SLCO4A1: variants seen among roughly 807,000 people sequenced by gnomAD.
The protein encoded by SLCO4A1 is solute carrier organic anion transporter family member 4A1.
A neutral mutation model predicts 64.6 loss-of-function variants in SLCO4A1; 51 were observed. That is an observed-to-expected ratio of 0.79 (90% confidence interval 0.63 to 1.00). The LOEUF (loss-of-function observed/expected upper bound fraction) is 1.00, where lower values mean the gene tolerates loss of function less well. SLCO4A1 is among the 50% of genes least tolerant of loss of function. The pLI is 0.00. For missense variants in SLCO4A1, 919 were observed against 980.5 expected, an observed-to-expected ratio of 0.94 and a Z score of 0.84; for synonymous variants, 471 against 444.9, an observed-to-expected ratio of 1.06 and a Z score of -0.74.
chr20:62,657,367 A>G (rs1983943235), intron 2 of SLCO4A1, 117 bp downstream of exon 2: 3 of 1,002,078 alleles, frequency 3.0e-6, no homozygotes, highest in Admixed American at 2.7e-5. Context: ...CCTTGTCTGC[A>G]TGGCCCTGGG....
chr20:62,681,551 A>G (rs2427376), intron 2 of SLCO4A1, among the ~76,000 whole-genome samples: 110,596 of 146,900 alleles, frequency 0.75, 41,879 homozygotes, highest in African/African-American at 0.81. Context: ...TGTGTATTAA[A>G]CCGTGTGTAC....
At chr20:62,662,912 A>G (rs1229064127) in intron 5 of SLCO4A1, 1 of 152,018 alleles carries the variant, frequency 6.6e-6, no homozygotes, top group Non-Finnish European at 1.5e-5. Flanking sequence ...CTGGCTGGGG[A>G]AGGGAGGGCA....
At position 62,656,727 on chromosome 20, in the gene SLCO4A1, C is replaced by T. The variant is rs752403778; in HGVS notation, c.273C>T (p.Phe91=). Residue 91 remains phenylalanine, a synonymous_variant, in exon 2 of 12, where the codon TTC becomes TTT. Transcript: ENST00000217159. The part of the protein sequence containing the change: ...GQSVACGWWA[F]APPCLQVLNT... ...GCGTGGCGTGCGGCTGGTGGGCCTT[C>T]GCACCGCCGTGCCTGCAGGTCCTCA... 52 of 1,611,020 alleles carry T rather than the reference C, an allele frequency of 3.2e-5. No individual in the cohort carries two copies. The highest frequency in any genetic ancestry group is 5.0e-5 in the Admixed American group (3 of 59,848).
chr20:62,673,863 C>T (rs1011088568), downstream of SLCO4A1, among the ~76,000 whole-genome samples: 3 of 152,236 alleles, frequency 2.0e-5, no homozygotes, highest in Non-Finnish European at 2.9e-5. Context: ...ACATAGTCAA[C>T]GTGTGCTGCG....
At chr20:62,658,231 G>C (rs1172650039) in intron 2 of SLCO4A1, among the ~76,000 whole-genome samples, 1 of 152,272 alleles carries the variant, frequency 6.6e-6, no homozygotes, top group Non-Finnish European at 1.5e-5. Context: ...ACCCAGGCGG[G>C]TGTTGAGATC....
intron 2 of SLCO4A1, among the ~76,000 whole-genome samples, chr20:62,678,942 G>A (rs986421122): frequency 6.6e-6 from 1 of 152,204 alleles, no homozygotes; most frequent in African/African-American, 2.4e-5. Flanking sequence ...CATGGGGCTG[G>A]GCAAGGTGGC....
chr20:62,687,914 C>T (rs1235289298), downstream of SLCO4A1, among the ~76,000 whole-genome samples: 5 of 152,160 alleles, frequency 3.3e-5, no homozygotes, highest in Non-Finnish European at 7.4e-5. Context: ...CCCCACTCAC[C>T]TCCCGGCCAT....
At chr20:62,666,345 C>T in intron 6 of SLCO4A1, 35 bp from the exon 7 acceptor site, 1 of 1,598,030 alleles carries the variant, frequency 6.3e-7, no homozygotes, top group Non-Finnish European at 8.6e-7. Flanking sequence ...CGGCCCCCTG[C>T]CTGAGTCCCT....
intron 2 of SLCO4A1, among the ~76,000 whole-genome samples, chr20:62,682,141 T>G (rs1020904541): frequency 6.6e-6 from 1 of 152,224 alleles, no homozygotes; most frequent in Non-Finnish European, 1.5e-5. Flanking sequence ...GTGTGGTCTG[T>G]CTGTCCCACT....
chr20:62,686,851 GATGGGTAGGGCACCCCCAAACAGGAGCA>G (rs1988074254), downstream of SLCO4A1, among the ~76,000 whole-genome samples: 2 of 151,930 alleles, frequency 1.3e-5, no homozygotes, highest in African/African-American at 4.8e-5. Flanking sequence ...GAACAGGCAC[GATGGGTAGGGCACCCCCAAACAGGAGCA>G]ATGGGAAGGG....
chr20:62,667,727 C>T lies in SLCO4A1; in HGVS notation c.1473-18C>T, dbSNP rs1325185778. The T allele has an allele frequency of 1.9e-6, 3 of 1,600,158 alleles. No individual in the cohort carries two copies. Among genetic ancestry groups the T allele is most frequent in the South Asian group, 1.1e-5 (1 of 89,682 alleles). On this transcript the variant is annotated intron_variant, in intron 7 of 11. Transcript: ENST00000217159. ...GCTCTGGCCTGGACCCTACCACTCG[C>T]TTGTCCCCCCTCTGCAGCCTCCTGC...
chr20:62,664,081 G>A (rs1985606874), intron 5 of SLCO4A1, among the ~76,000 whole-genome samples: 1 of 152,098 alleles, frequency 6.6e-6, no homozygotes, highest in Admixed American at 6.5e-5. Context: ...GCCTGATGTG[G>A]GGCCTTCCCA....
Position 62,654,183 on chromosome 20 carries a change from C to T in SLCO4A1, c.-96-2176C>T, listed in dbSNP as rs147578771. 5.5e-3 allele frequency among the ~76,000 whole-genome samples: 832 copies of T among 152,282 alleles called. 9 individuals are homozygous for T. Among genetic ancestry groups the T allele is most frequent in the African/African-American group, 0.019 (791 of 41,544 alleles). On this transcript the variant is annotated intron_variant, in intron 1 of 11. Transcript: ENST00000217159. Reference sequence around the variant, plus strand: ...GCTCCAGGTGGTCCTGAGAGCGCCACGCCCGTCTCTGTCTCTGTCTGCAGG... The same window carrying T: ...GCTCCAGGTGGTCCTGAGAGCGCCATGCCCGTCTCTGTCTCTGTCTGCAGG...
chr20:62,658,289 C>G (rs1445351367), intron 2 of SLCO4A1, among the ~76,000 whole-genome samples: 1 of 152,250 alleles, frequency 6.6e-6, no homozygotes, highest in Non-Finnish European at 1.5e-5. Context: ...CCTTCCAAAT[C>G]CCGGCCTGTG....
chr20:62,685,361 C>A lies in SLCO4A1; in HGVS notation n.212-80C>A. On this transcript the variant is annotated intron_variant and non_coding_transcript_variant, in intron 2 of 2. Transcript: ENST00000466818. This position sits in a 1 kb window ranked among gnomAD's most constrained non-coding sequence, Gnocchi z 4.6. Reference sequence around the variant, plus strand: ...GCCCAAGGGTGGGTTCGTGGGGCAACTGCACCCGCTCCCTTCCACTCTGCT... The same window carrying A: ...GCCCAAGGGTGGGTTCGTGGGGCAAATGCACCCGCTCCCTTCCACTCTGCT... 1.3e-6 allele frequency: 1 copy of A among 799,286 alleles called. No individual in the cohort carries two copies. Among genetic ancestry groups the A allele is most frequent in the Non-Finnish European group, 1.5e-6 (1 of 660,076 alleles). 49.5% of individuals were successfully genotyped at this position (799,286 alleles called of 1,614,324 possible).
intron 2 of SLCO4A1, among the ~76,000 whole-genome samples, chr20:62,681,567 CGTGT>C (rs371964720): frequency 2.0e-5 from 3 of 151,430 alleles, no homozygotes; most frequent in South Asian, 4.2e-4. Flanking sequence ...TGTACACACT[CGTGT>C]GTGTGTGTGT....
At chr20:62,643,823 G>A (rs979310979) in intron 1 of SLCO4A1, among the ~76,000 whole-genome samples, 10 of 152,214 alleles carry the variant, frequency 6.6e-5, no homozygotes, top group Admixed American at 5.9e-4. Flanking sequence ...AATGTGCCGG[G>A]CATGGTACCC....
At chr20:62,663,961 A>G (rs1004011139) in intron 5 of SLCO4A1, among the ~76,000 whole-genome samples, 3 of 152,120 alleles carry the variant, frequency 2.0e-5, no homozygotes, top group Non-Finnish European at 4.4e-5. Context: ...CAGGCCTCCA[A>G]TGCTAACAAA....
downstream of SLCO4A1, among the ~76,000 whole-genome samples, chr20:62,690,062 T>C (rs1988180032): frequency 6.6e-6 from 1 of 152,214 alleles, no homozygotes; most frequent in Non-Finnish European, 1.5e-5. Flanking sequence ...CCCAGCCCCC[T>C]TGCCTGGTGA....
Sources: allele counts gnomAD v4.1 joint callset (sites outside exome capture counted in the v4.1 genomes callset), GRCh38; gene constraint gnomAD v4.1.1; non-coding constraint Gnocchi (gnomAD v3.1); transcripts MANE v1.5; gene names NCBI Gene and HGNC (gene_info 2026-07-23, HGNC 2026-07-21).